The following IGSF3 variants were observed in gnomAD, a reference collection of about 807,000 sequenced individuals.
IGSF3 encodes the protein glu-Trp-Ile EWI motif-containing protein 3.
IGSF3 carries 23 observed loss-of-function variants against 114.4 expected under a neutral mutation model. That is an observed-to-expected ratio of 0.20 (90% CI 0.14 to 0.28). The LOEUF (loss-of-function observed/expected upper bound fraction) is 0.28, where lower values mean the gene tolerates loss of function less well. Ranked by LOEUF, IGSF3 falls within the 10% of genes least tolerant of loss-of-function variation. The pLI is 1.00. For missense variants in IGSF3, 1,172 were observed against 1,591.5 expected, an observed-to-expected ratio of 0.74 and a Z score of 4.48; for synonymous variants, 571 against 645.2, an observed-to-expected ratio of 0.88 and a Z score of 1.74.
intron 7 of IGSF3, among the ~76,000 whole-genome samples, chr1:116,597,320 C>G (rs1257553866): frequency 6.6e-6 from 1 of 152,196 alleles, no homozygotes; most frequent in Non-Finnish European, 1.5e-5. Flanking sequence ...TCTATTTCCC[C>G]AAAATGAATG....
intron 5 of IGSF3, chr1:116,606,370 G>A (rs1014985826): frequency 2.1e-5 from 27 of 1,306,816 alleles, no homozygotes; most frequent in Non-Finnish European, 2.8e-5. Flanking sequence ...TGAGAGGTGG[G>A]AGCGGAGAAG....
Position 116,582,543 on chromosome 1 carries a change from T to C in IGSF3, c.2848+2102A>G, listed in dbSNP as rs1196410863. Among the ~76,000 whole-genome samples the C allele has an allele frequency of 1.3e-5, 2 of 152,236 alleles. No homozygotes were observed. The highest frequency in any genetic ancestry group is 2.9e-5 in the Non-Finnish European group (2 of 68,034). On this transcript the variant is annotated intron_variant, in intron 9 of 10. Coordinates refer to ENST00000369486, the MANE Select transcript of IGSF3 (RefSeq NM_001007237.3). This position sits in a 1 kb window ranked among gnomAD's most constrained non-coding sequence, Gnocchi z 4.7. ...TGGAAGGTGATTATTTTCCTAACAA[T>C]ACTTTTAGAGCTATATTATTTCAAG...
In IGSF3 at chr1:116,634,859, G is replaced by T. The variant is rs1374173478; in HGVS notation, c.44-18402C>A. The stretch of plus-strand genomic sequence containing the variant: ...ACACACATTTGGAGCCTGAGTTGCG[G>T]TGTAAGCCATCTGCCTGCTCCGAGC... On this transcript the variant is annotated intron_variant, in intron 2 of 10. Transcript: ENST00000369486. The surrounding 1 kb of genome is among the most constrained non-coding windows in gnomAD (Gnocchi z 4.2). Among the ~76,000 whole-genome samples, 2 of 152,024 alleles carry T rather than the reference G, an allele frequency of 1.3e-5. No homozygotes were observed. The highest frequency in any genetic ancestry group is 4.8e-5 in the African/African-American group (2 of 41,416).
chr1:116,587,249 A>C (rs1447618506), intron 8 of IGSF3, among the ~76,000 whole-genome samples: 2 of 152,236 alleles, frequency 1.3e-5, no homozygotes, highest in African/African-American at 2.4e-5. Flanking sequence ...TATAAAAATA[A>C]TAAGACATAG....
At position 116,649,478 on chromosome 1, in the gene IGSF3, C is replaced by A. The variant is rs1648538259; in HGVS notation, c.43+16806G>T. 6.6e-6 allele frequency among the ~76,000 whole-genome samples: 1 copy of A among 152,214 alleles called. No individual in the cohort carries two copies. The highest frequency in any genetic ancestry group is 2.4e-5 in the African/African-American group (1 of 41,458). On this transcript the variant is annotated intron_variant, in intron 2 of 10. Coordinates refer to ENST00000369486, the MANE Select transcript of IGSF3 (RefSeq NM_001007237.3). The surrounding 1 kb of genome is among the most constrained non-coding windows in gnomAD (Gnocchi z 4.5). ...CCTCATTACCTCAAAGCCATAGTGG[C>A]AAAAGGCAAACAGCATCTTCCTAAA...
At chr1:116,623,903 T>C (rs1661493891) in intron 2 of IGSF3, among the ~76,000 whole-genome samples, 1 of 150,868 alleles carries the variant, frequency 6.6e-6, no homozygotes, top group African/African-American at 2.4e-5. Flanking sequence ...CTGGCCAATA[T>C]GGTGAAACCC....
intron 2 of IGSF3, among the ~76,000 whole-genome samples, chr1:116,621,551 C>T (rs535841161): frequency 6.6e-6 from 1 of 152,250 alleles, no homozygotes; most frequent in Admixed American, 6.5e-5. Context: ...TTCTGAACCA[C>T]AGAAACTGTG....
At chr1:116,587,078 T>C (rs1266865742) in intron 8 of IGSF3, among the ~76,000 whole-genome samples, 1 of 151,558 alleles carries the variant, frequency 6.6e-6, no homozygotes, top group Non-Finnish European at 1.5e-5. Context: ...AGGCCACATG[T>C]GGAGTTTGGT....
In IGSF3 at chr1:116,665,104, T is replaced by C. The variant is rs940250588; in HGVS notation, c.43+1180A>G. ...CCTTTAGTTATCACACCTTCCCTTG[T>C]TTTATTGTTTCTGTTTTATTGACAT... On this transcript the variant is annotated intron_variant, in intron 2 of 10. Coordinates refer to ENST00000369486, the MANE Select transcript of IGSF3 (RefSeq NM_001007237.3). The surrounding 1 kb of genome is among the most constrained non-coding windows in gnomAD (Gnocchi z 4.0). Among the ~76,000 whole-genome samples the C allele has an allele frequency of 6.6e-6, 1 of 152,192 alleles. No individual in the cohort carries two copies. The highest frequency in any genetic ancestry group is 6.5e-5 in the Admixed American group (1 of 15,286).
rs1381544069 is a variant in IGSF3 at position 116,624,148 on chromosome 1, G to C, written c.44-7691C>G. Among the ~76,000 whole-genome samples the C allele has an allele frequency of 2.0e-5, 3 of 149,898 alleles. No homozygotes were observed. In the South Asian group the frequency reaches 6.3e-4, roughly 32 times the overall value. ...GAGCCTGGGAGGCCGAGGCTGCCGT[G>C]AACAATGATTGTGCCACTGCACTCC... On this transcript the variant is annotated intron_variant, in intron 2 of 10. Transcript: ENST00000369486. The surrounding 1 kb of genome is among the most constrained non-coding windows in gnomAD (Gnocchi z 4.9).
At position 116,596,052 on chromosome 1, in the gene IGSF3, T is replaced by C. The variant is rs947529178; in HGVS notation, c.2029+3889A>G. On this transcript the variant is annotated intron_variant, in intron 7 of 10. Coordinates refer to ENST00000369486, the MANE Select transcript of IGSF3 (RefSeq NM_001007237.3). The surrounding 1 kb of genome is among the most constrained non-coding windows in gnomAD (Gnocchi z 4.1). ...AACAGGAAGCACACACAGGGAATGG[T>C]CAAATAACAGATCCACAAGTCAACT... Among the ~76,000 whole-genome samples the C allele has an allele frequency of 6.6e-5, 10 of 152,146 alleles. No homozygotes were observed. The highest frequency in any genetic ancestry group is 1.3e-4 in the Non-Finnish European group (9 of 68,030).
chr1:116,614,999 G>A lies in IGSF3; in HGVS notation c.422-824C>T, dbSNP rs188254175. ...CGGGTCTCCTGCTGGGAACGGCCAA[G>A]TGCGGTGGCTCACACCTATAATCCC... is the stretch of plus-strand genomic sequence containing the variant. On this transcript the variant is annotated intron_variant, in intron 3 of 10. Transcript: ENST00000369486. This position sits in a 1 kb window ranked among gnomAD's most constrained non-coding sequence, Gnocchi z 4.5. 4.9e-3 allele frequency among the ~76,000 whole-genome samples: 747 copies of A among 151,792 alleles called. 6 individuals are homozygous for A. The highest frequency in any genetic ancestry group is 8.4e-3 in the Non-Finnish European group (570 of 67,928).
chr1:116,597,016 G>GATTA lies in IGSF3; in HGVS notation c.2029+2921_2029+2924dup, dbSNP rs1157084196. Among the ~76,000 whole-genome samples the GATTA allele has an allele frequency of 2.0e-5, 3 of 152,318 alleles. No homozygotes were observed. In the South Asian group the frequency reaches 6.2e-4, roughly 32 times the overall value. On this transcript the variant is annotated intron_variant, in intron 7 of 10. Coordinates refer to ENST00000369486, the MANE Select transcript of IGSF3 (RefSeq NM_001007237.3). Reference sequence around the variant, plus strand: ...GAGAAAATTCTTCTGTAAAGGACACGATTAACTGAATGCTGAAAGAATAAT... The same window carrying GATTA: ...GAGAAAATTCTTCTGTAAAGGACACGATTAATTAACTGAATGCTGAAAGAATAAT...
chr1:116,621,605 CTT>C (rs1279231689), intron 2 of IGSF3, among the ~76,000 whole-genome samples: 1 of 148,582 alleles, frequency 6.7e-6, no homozygotes, highest in Admixed American at 6.7e-5. Context: ...AAGTTTGGGG[CTT>C]TTTTTTTTAC....
At position 116,598,937 on chromosome 1, in the gene IGSF3, T is replaced by C. The variant is rs1341171295; in HGVS notation, c.2029+1004A>G. The stretch of plus-strand genomic sequence containing the variant: ...TGCAGAAAGCCCCACTGACTAATGC[T>C]CCCCAAATTAATGCATCCTTATGAT... On this transcript the variant is annotated intron_variant, in intron 7 of 10. Coordinates refer to ENST00000369486, the MANE Select transcript of IGSF3 (RefSeq NM_001007237.3). This position sits in a 1 kb window ranked among gnomAD's most constrained non-coding sequence, Gnocchi z 4.3. Among the ~76,000 whole-genome samples, 1 of 152,102 alleles carries C rather than the reference T, an allele frequency of 6.6e-6. No individual in the cohort carries two copies. The highest frequency in any genetic ancestry group is 2.4e-5 in the African/African-American group (1 of 41,402).
chr1:116,639,977 T>C (rs1261777380), intron 2 of IGSF3, among the ~76,000 whole-genome samples: 1 of 146,566 alleles, frequency 6.8e-6, no homozygotes, highest in Non-Finnish European at 1.5e-5. Context: ...GAGACAGAGG[T>C]TGCAATGAGC....
chr1:116,619,493 A>C (rs1661340885), intron 2 of IGSF3, among the ~76,000 whole-genome samples: 1 of 152,218 alleles, frequency 6.6e-6, no homozygotes, highest in Admixed American at 6.5e-5. Context: ...CCTGTTTATT[A>C]AATACCTCCT....
At position 116,577,532 on chromosome 1, in the gene IGSF3, T is replaced by C. The variant is rs1171428752; in HGVS notation, c.3365A>G (p.Asn1122Ser). 8.7e-6 allele frequency: 14 copies of C among 1,613,952 alleles called. No homozygotes were observed. In the Middle Eastern group the frequency reaches 4.9e-4, roughly 57 times the overall value. The change falls in exon 11 of 11, where the codon AAC becomes AGC. Residue 1122 changes from asparagine to serine, a missense_variant. By Grantham distance (46) the Asn-to-Ser change is conservative. Around this residue, in one of 3 missense-constraint regions of IGSF3, gnomAD observed 423 missense variants for 509.8 expected, o/e 0.83. Transcript: ENST00000369486. This position sits in a 1 kb window ranked among gnomAD's most constrained non-coding sequence, Gnocchi z 5.7. ...SPTLQSIICS[N>S]DALFYFVFFY... Reference sequence around the variant, plus strand: ...GAAGACGAAGTAGAAGAGTGCGTCGTTGGAGCAGATGATGGACTGGAGGGT... The same window carrying C: ...GAAGACGAAGTAGAAGAGTGCGTCGCTGGAGCAGATGATGGACTGGAGGGT...
rs1388796996 is a variant in IGSF3, at chr1:116,634,638, C to T, written c.44-18181G>A. 6.6e-6 allele frequency among the ~76,000 whole-genome samples: 1 copy of T among 152,162 alleles called. No homozygotes were observed. Among genetic ancestry groups the T allele is most frequent in the Non-Finnish European group, 1.5e-5 (1 of 68,016 alleles). On this transcript the variant is annotated intron_variant, in intron 2 of 10. Transcript: ENST00000369486. The surrounding 1 kb of genome is among the most constrained non-coding windows in gnomAD (Gnocchi z 4.2). The stretch of plus-strand genomic sequence containing the variant: ...CCCCACCTGAGACAAAATGTATTTC[C>T]CAAAGTTGGCTTGCAATGACATCTC...
Sources: allele counts gnomAD v4.1 joint callset (sites outside exome capture counted in the v4.1 genomes callset), GRCh38; gene constraint gnomAD v4.1.1; regional missense constraint gnomAD v4.1.1; non-coding constraint Gnocchi (gnomAD v3.1); transcripts MANE v1.5; gene names NCBI Gene and HGNC (gene_info 2026-07-23, HGNC 2026-07-21).